The following VPS13B variants were observed in gnomAD, a reference collection of about 807,000 sequenced individuals.
VPS13B encodes the protein vacuolar protein sorting 13 homolog B.
Under a neutral mutation model 426.4 loss-of-function variants are expected in VPS13B, and 285 were observed. That is an observed-to-expected ratio of 0.67 (90% CI 0.61 to 0.74). VPS13B has a LOEUF of 0.74. Ranked by LOEUF, VPS13B falls within the 30% of genes least tolerant of loss-of-function variation. VPS13B has a pLI of 0.00. For missense variants in VPS13B, 4,537 were observed against 4,782.6 expected, an observed-to-expected ratio of 0.95 and a Z score of 1.51; for synonymous variants, 1,676 against 1,676.4, an observed-to-expected ratio of 1.00 and a Z score of 0.01.
chr8:99,084,689 T>A (rs933853163), intron 3 of VPS13B, among the ~76,000 whole-genome samples: 1 of 152,240 alleles, frequency 6.6e-6, no homozygotes, highest in Non-Finnish European at 1.5e-5. Context: ...ACATCTTTAT[T>A]TCTGCCTTCA....
chr8:99,233,403 G>A, intron 17 of VPS13B: 1 of 1,142,106 alleles, frequency 8.8e-7, no homozygotes, highest in African/African-American at 1.5e-5. Context: ...TGGAGGCTCT[G>A]GCGAGTCTTG....
At chr8:99,818,981 GGGTA>G in intron 47 of VPS13B, 93 bp downstream of exon 47, 2 of 879,664 alleles carry the variant, frequency 2.3e-6, no homozygotes, top group Non-Finnish European at 3.6e-6. Context: ...GGGGAGGGGT[GGGTA>G]GGGAGATGGG....
intron 21 of VPS13B, among the ~76,000 whole-genome samples, chr8:99,412,106 TG>T (rs1391786514): frequency 1.3e-5 from 2 of 152,244 alleles, no homozygotes; most frequent in Non-Finnish European, 2.9e-5. Context: ...GGTAGCTTGA[TG>T]GGGATAGCAC....
At chr8:99,657,456 C>T (rs1033466811) in intron 34 of VPS13B, among the ~76,000 whole-genome samples, 5 of 45,418 alleles carry the variant, frequency 1.1e-4, no homozygotes, top group Non-Finnish European at 2.1e-4. Flanking sequence ...GATCATTCAG[C>T]AGTACTTTAA....
At chr8:99,645,437 G>A (rs1381325778) in intron 34 of VPS13B, among the ~76,000 whole-genome samples, 2 of 152,144 alleles carry the variant, frequency 1.3e-5, no homozygotes, top group East Asian at 3.8e-4. Flanking sequence ...AGAAAACCTG[G>A]GATTTTTATT....
At position 99,596,435 on chromosome 8, in the gene VPS13B, G is replaced by A. The variant is rs552371203; in HGVS notation, c.5220+18802G>A. 7.2e-5 allele frequency among the ~76,000 whole-genome samples: 11 copies of A among 152,060 alleles called. No individual in the cohort carries two copies. The South Asian group carries it at 2.3e-3, about 31-fold the overall frequency. On this transcript the variant is annotated intron_variant, in intron 33 of 61. Transcript: ENST00000357162. The stretch of plus-strand genomic sequence containing the variant: ...ATAGATATGAGTTTCTTTTTCTCAG[G>A]TAACAGTCCTTAGGTCAGTAGTCTA...
intron 21 of VPS13B, among the ~76,000 whole-genome samples, chr8:99,429,131 G>C (rs112768767): frequency 0.011 from 1,714 of 152,210 alleles, 37 homozygotes; most frequent in Non-Finnish European, 0.012. Flanking sequence ...GGCCTGTTGT[G>C]GGGTGTGGGG....
At chr8:99,648,228 C>G (rs1377645599) in intron 34 of VPS13B, among the ~76,000 whole-genome samples, 1 of 152,176 alleles carries the variant, frequency 6.6e-6, no homozygotes, top group Non-Finnish European at 1.5e-5. Flanking sequence ...CTTCAGGCAC[C>G]TTGCTTCATG....
intron 14 of VPS13B, among the ~76,000 whole-genome samples, chr8:99,155,613 A>G (rs1180593419): frequency 6.6e-6 from 1 of 152,220 alleles, no homozygotes; most frequent in Non-Finnish European, 1.5e-5. Context: ...TTTTAAAATT[A>G]TTAGTAATGA....
At chr8:99,308,861 A>G (rs1028425036) in intron 19 of VPS13B, among the ~76,000 whole-genome samples, 7 of 151,746 alleles carry the variant, frequency 4.6e-5, no homozygotes, top group African/African-American at 1.7e-4. Context: ...TGACTTTTTA[A>G]TGATTGCCAT....
At chr8:99,508,254 T>A (rs899821443) in intron 28 of VPS13B, among the ~76,000 whole-genome samples, 6 of 152,080 alleles carry the variant, frequency 3.9e-5, no homozygotes, top group South Asian at 2.1e-4. Flanking sequence ...CCTTTAAAAA[T>A]TTTTTTTCTA....
chr8:99,024,334 T>C (rs1842040069), intron 2 of VPS13B, among the ~76,000 whole-genome samples: 1 of 152,262 alleles, frequency 6.6e-6, no homozygotes, highest in African/African-American at 2.4e-5. Context: ...TTGTGTATTA[T>C]GGATATTAAC....
intron 33 of VPS13B, among the ~76,000 whole-genome samples, chr8:99,614,339 G>A (rs906782127): frequency 2.6e-5 from 4 of 151,934 alleles, no homozygotes; most frequent in East Asian, 1.9e-4. Context: ...GTGCAATGGC[G>A]CAGTCTCAGC....
At chr8:99,153,988 A>G (rs1422947626) in intron 14 of VPS13B, among the ~76,000 whole-genome samples, 3 of 151,536 alleles carry the variant, frequency 2.0e-5, no homozygotes, top group African/African-American at 7.3e-5. Flanking sequence ...CTCTTAAAAT[A>G]CTTTGTTTTA....
chr8:99,672,297 A>T (rs949759991), intron 35 of VPS13B, among the ~76,000 whole-genome samples: 8 of 152,080 alleles, frequency 5.3e-5, no homozygotes, highest in African/African-American at 1.9e-4. Flanking sequence ...TCCATTGATC[A>T]CCGTTTTATA....
chr8:99,866,399 T>G (rs150550844), intron 58 of VPS13B, among the ~76,000 whole-genome samples: 1 of 152,100 alleles, frequency 6.6e-6, no homozygotes, highest in Non-Finnish European at 1.5e-5. Flanking sequence ...TGGTGAGGTG[T>G]TGGTGTGTGT....
chr8:99,801,096 A>G (rs369130336), intron 43 of VPS13B, among the ~76,000 whole-genome samples: 50 of 152,290 alleles, frequency 3.3e-4, no homozygotes, highest in African/African-American at 1.2e-3. Flanking sequence ...TCACGTATCA[A>G]TCCCTGGTGT....
intron 29 of VPS13B, among the ~76,000 whole-genome samples, chr8:99,515,209 T>C (rs1235735846): frequency 2.0e-5 from 3 of 149,512 alleles, no homozygotes; most frequent in Admixed American, 6.6e-5. Context: ...AGTTTGTTTA[T>C]ATGTTTTTGT....
At chr8:99,227,769 A>G (rs1235784126) in intron 17 of VPS13B, among the ~76,000 whole-genome samples, 1 of 152,198 alleles carries the variant, frequency 6.6e-6, no homozygotes, top group Non-Finnish European at 1.5e-5. Context: ...TTCTTTGTAC[A>G]TGATATCCAC....
Sources: gnomAD v4.1 joint callset for allele counts (sites outside exome capture counted in the v4.1 genomes callset) on GRCh38, gnomAD v4.1.1 for gene constraint, MANE v1.5 for transcripts, NCBI Gene and HGNC (gene_info 2026-07-23, HGNC 2026-07-21) for gene names.